Variants in TSHR observed in about 807,000 individuals in gnomAD.
TSHR encodes thyrotropin receptor.
A neutral mutation model predicts 64.1 loss-of-function variants in TSHR; 51 were observed. The ratio of observed to expected loss-of-function variants is 0.80; its 90% confidence interval spans 0.64 to 1.01. The LOEUF (loss-of-function observed/expected upper bound fraction) is 1.01. Among genes scored for constraint, TSHR ranks in the 50% least tolerant of loss-of-function variants. TSHR has a pLI of 0.00. For synonymous variants in TSHR, 361 were observed against 361.9 expected (o/e 1.00, Z 0.03); for missense variants, 877 against 942.8 (o/e 0.93, Z 0.91).
At position 81,146,290 on chromosome 14, in the gene TSHR, T is replaced by C. The variant is rs1461040457; in HGVS notation, c.*1937T>C. On this transcript the variant is annotated 3_prime_UTR_variant, in exon 10 of 10. Coordinates refer to ENST00000298171, the MANE Select transcript of TSHR (RefSeq NM_000369.5). The stretch of plus-strand genomic sequence containing the variant: ...CAACATGAAATAAATTTTCTTCCTA[T>C]GGAATAATCGTGCCAAGTCCTAGAG... The C allele has an allele frequency of 5.1e-6, 1 of 195,750 alleles. No individual in the cohort carries two copies. The highest frequency in any genetic ancestry group is 8.0e-5 in the East Asian group (1 of 12,474). 12.1% of individuals were successfully genotyped at this position (195,750 alleles called of 1,614,324 possible). A position where few individuals can be genotyped will look rare whatever the true frequency, so the allele number is the denominator to read the frequency against.
chr14:81,075,606 T>A (rs1887439560), intron 3 of TSHR, among the ~76,000 whole-genome samples: 1 of 150,984 alleles, frequency 6.6e-6, no homozygotes, highest in Non-Finnish European at 1.5e-5. Context: ...TAACTCGTCA[T>A]CTAGCATTAG....
At chr14:80,983,015 CA>C in intron 1 of TSHR, 1 of 540,744 alleles carries the variant, frequency 1.8e-6, no homozygotes, top group Non-Finnish European at 3.4e-6. Flanking sequence ...CATAAAAGAG[CA>C]CAGATTGCAA....
rs148124681 is a variant in TSHR at position 81,121,371 on chromosome 14, G to T, written c.692+12919G>T. Among the ~76,000 whole-genome samples, 769 of 152,260 alleles carry T rather than the reference G, an allele frequency of 5.1e-3. 8 individuals carry two copies. Among genetic ancestry groups the T allele is most frequent in the African/African-American group, 0.018 (730 of 41,554 alleles). On this transcript the variant is annotated intron_variant, in intron 8 of 9. Coordinates refer to ENST00000298171, the MANE Select transcript of TSHR (RefSeq NM_000369.5). ...GAATACACCTGTTGAATTCTGAAGG[G>T]AAAGTCATTTCCAAACTACCAATCA...
intron 7 of TSHR, among the ~76,000 whole-genome samples, chr14:81,101,625 C>T (rs1407937822): frequency 6.6e-6 from 1 of 152,136 alleles, no homozygotes; most frequent in Non-Finnish European, 1.5e-5. Context: ...TGGCCACAGC[C>T]TATTCCAGAA....
chr14:81,052,224 C>A (rs767547138), intron 1 of TSHR: 1 of 152,164 alleles, frequency 6.6e-6, no homozygotes, highest in African/African-American at 2.4e-5. Flanking sequence ...ATTCTACTAT[C>A]AAGGGAGAGA....
chr14:80,996,610 A>G lies in TSHR; in HGVS notation c.170+40760A>G, dbSNP rs904799950. ...ATCTGGTCCTCAACTGGCAAGAAGCACTGTTCGAGCAATCAGGAAAATCTG... is the reference window on the plus strand; with the variant it reads ...ATCTGGTCCTCAACTGGCAAGAAGCGCTGTTCGAGCAATCAGGAAAATCTG... On this transcript the variant is annotated intron_variant, in intron 1 of 9. Coordinates refer to ENST00000298171, the MANE Select transcript of TSHR (RefSeq NM_000369.5). Among the ~76,000 whole-genome samples, 7 of 152,136 alleles carry G rather than the reference A, an allele frequency of 4.6e-5. No homozygotes were observed. In the East Asian group the frequency reaches 1.2e-3, roughly 25 times the overall value.
chr14:81,056,055 A>G (rs1196680646), intron 1 of TSHR, among the ~76,000 whole-genome samples: 1 of 152,118 alleles, frequency 6.6e-6, no homozygotes, highest in Non-Finnish European at 1.5e-5. Context: ...AGGAAATTGA[A>G]TCATGGGAGC....
chr14:81,143,070 A>C lies in TSHR; in HGVS notation c.1012A>C (p.Lys338Gln), dbSNP rs192078271. The C allele has an allele frequency of 1.2e-6, 2 of 1,614,184 alleles. No homozygotes were observed. The highest frequency in any genetic ancestry group is 4.5e-5 in the East Asian group (2 of 44,874). ...ENLGDSIVGY[K>Q]EKSKFQDTHN... ...TCTGGGTGACAGCATTGTTGGGTAC[A>C]AGGAAAAGTCCAAGTTCCAGGATAC... is the stretch of plus-strand genomic sequence containing the variant. The change falls in exon 10 of 10, where the codon AAG (lysine) becomes CAG (glutamine). Residue 338 changes from lysine to glutamine, a missense_variant. Physicochemically the swap from Lys to Gln is moderately conservative, Grantham distance 53. Coordinates refer to ENST00000298171, the MANE Select transcript of TSHR (RefSeq NM_000369.5).
At chr14:81,030,170 A>T (rs941118606) in intron 1 of TSHR, among the ~76,000 whole-genome samples, 5 of 152,206 alleles carry the variant, frequency 3.3e-5, no homozygotes, top group African/African-American at 9.6e-5. Flanking sequence ...TTCCAGTATG[A>T]ACATTCAAGA....
At chr14:80,978,811 G>T (rs1308840114) in intron 1 of TSHR, among the ~76,000 whole-genome samples, 1 of 152,112 alleles carries the variant, frequency 6.6e-6, no homozygotes, top group Admixed American at 6.5e-5. Flanking sequence ...CTGCCTTTCT[G>T]TACCAGCTTC....
At chr14:80,957,436 C>A (rs543203628) in intron 1 of TSHR, among the ~76,000 whole-genome samples, 2 of 151,090 alleles carry the variant, frequency 1.3e-5, no homozygotes, top group African/African-American at 4.9e-5. Flanking sequence ...ATTCCTGAAA[C>A]CCTGGAACTA....
intron 7 of TSHR, among the ~76,000 whole-genome samples, chr14:81,105,972 G>A (rs767797070): frequency 6.6e-6 from 1 of 151,680 alleles, no homozygotes; most frequent in Non-Finnish European, 1.5e-5. Context: ...TTTTTTCAAG[G>A]TGGATTTTGC....
chr14:80,960,990 G>C (rs937829026), intron 1 of TSHR, among the ~76,000 whole-genome samples: 22 of 152,354 alleles, frequency 1.4e-4, no homozygotes, highest in Admixed American at 5.9e-4. Context: ...CCTGGGAGTA[G>C]TATCCTGTAT....
At chr14:81,025,435 T>A (rs1302476595) in intron 1 of TSHR, among the ~76,000 whole-genome samples, 3 of 151,586 alleles carry the variant, frequency 2.0e-5, no homozygotes, top group Non-Finnish European at 4.4e-5. Context: ...AATGGATAAA[T>A]CAGTATAAAT....
chr14:81,079,357 C>T lies in TSHR; in HGVS notation c.318-8597C>T, dbSNP rs1336341135. 3.3e-5 allele frequency among the ~76,000 whole-genome samples: 5 copies of T among 152,270 alleles called. No individual in the cohort carries two copies. In the East Asian group the frequency reaches 5.8e-4, roughly 18 times the overall value. ...GGCCAGCACTCCACTAAAAGTACTT[C>T]ACATACACTATCTCACTAGTTTTTA... is the stretch of plus-strand genomic sequence containing the variant. On this transcript the variant is annotated intron_variant, in intron 3 of 9. Coordinates refer to ENST00000298171, the MANE Select transcript of TSHR (RefSeq NM_000369.5).
intron 1 of TSHR, among the ~76,000 whole-genome samples, chr14:81,023,467 T>TA (rs1160217051): frequency 1.3e-5 from 2 of 152,122 alleles, no homozygotes; most frequent in Admixed American, 6.5e-5. Flanking sequence ...TAATGAGCCT[T>TA]AAAGGTCTTT....
In TSHR at chr14:81,098,806, G is replaced by A. The variant is rs538269385; in HGVS notation, c.614+2099G>A. Among the ~76,000 whole-genome samples, 241 of 152,226 alleles carry A rather than the reference G, an allele frequency of 1.6e-3. 1 individual carries two copies. The highest frequency in any genetic ancestry group is 5.5e-3 in the African/African-American group (228 of 41,552). On this transcript the variant is annotated intron_variant, in intron 7 of 9. Coordinates refer to ENST00000298171, the MANE Select transcript of TSHR (RefSeq NM_000369.5). ...CCTGACTCTTGCCTGAACTAGAACT[G>A]CCTTTCCAGAATGGTGGATTAGAGA...
intron 3 of TSHR, among the ~76,000 whole-genome samples, chr14:81,070,651 A>G (rs565510730): frequency 0.013 from 1,922 of 143,404 alleles, 69 homozygotes; most frequent in African/African-American, 0.047. Flanking sequence ...AAAAAAAAAA[A>G]GCAGCAAGGA....
chr14:81,029,532 T>A (rs1884241127), intron 1 of TSHR, among the ~76,000 whole-genome samples: 1 of 152,038 alleles, frequency 6.6e-6, no homozygotes, highest in Non-Finnish European at 1.5e-5. Context: ...AGAAAATAAG[T>A]AAAAATATAT....
Sources: gnomAD v4.1 joint callset for allele counts (sites outside exome capture counted in the v4.1 genomes callset) on GRCh38, gnomAD v4.1.1 for gene constraint, MANE v1.5 for transcripts, NCBI Gene and HGNC (gene_info 2026-07-23, HGNC 2026-07-21) for gene names.